The following DPH6 variants were observed in gnomAD, a reference collection of about 807,000 sequenced individuals.
DPH6 encodes the protein diphthamine biosynthesis 6.
A neutral mutation model predicts 38.2 loss-of-function variants in DPH6; 33 were observed. That is an observed-to-expected ratio of 0.86 (90% CI 0.65 to 1.15). The LOEUF (loss-of-function observed/expected upper bound fraction) is 1.15. Among genes scored for constraint, DPH6 ranks in the 50% most tolerant of loss-of-function variants. DPH6 has a pLI of 0.00. For missense variants in DPH6, 325 were observed against 320.0 expected (o/e 1.02, Z -0.12); for synonymous variants, 108 against 103.0 (o/e 1.05, Z -0.30).
At chr15:35,157,629 C>T in the DPH6 span, among the ~76,000 whole-genome samples, 95 of 152,184 alleles carry the variant, frequency 6.2e-4, no homozygotes, top group African/African-American at 2.2e-3. Context: ...GGTGTTGAGG[C>T]TCCCTCTTGC....
intron 3 of DPH6, among the ~76,000 whole-genome samples, chr15:35,295,706 C>T (rs1315293558): frequency 6.6e-6 from 1 of 152,178 alleles, no homozygotes; most frequent in Admixed American, 6.5e-5. Flanking sequence ...TTTCAGGATG[C>T]AAAGTCTGAT....
chr15:35,151,941 T>G, the DPH6 span, among the ~76,000 whole-genome samples: 1 of 152,134 alleles, frequency 6.6e-6, no homozygotes, highest in African/African-American at 2.4e-5. Flanking sequence ...TTGAAGAAAT[T>G]TATTCCTTGA....
intron 3 of DPH6, among the ~76,000 whole-genome samples, chr15:35,256,560 T>C (rs1279844651): frequency 6.6e-6 from 1 of 152,240 alleles, no homozygotes; most frequent in Non-Finnish European, 1.5e-5. Context: ...GGGCAAGTTA[T>C]GTAAATCATC....
At chr15:35,310,693 A>C (rs1294706300) in intron 3 of DPH6, among the ~76,000 whole-genome samples, 1 of 152,084 alleles carries the variant, frequency 6.6e-6, no homozygotes, top group Non-Finnish European at 1.5e-5. Flanking sequence ...AAAAAGAATG[A>C]CTATTACTAA....
At chr15:35,225,424 G>A (rs760971819) in intron 3 of DPH6, among the ~76,000 whole-genome samples, 2 of 152,154 alleles carry the variant, frequency 1.3e-5, no homozygotes, top group African/African-American at 2.4e-5. Flanking sequence ...CTTGATGGTA[G>A]GGGATTATTT....
At chr15:35,344,008 A>G (rs1017168879) in intron 3 of DPH6, among the ~76,000 whole-genome samples, 2 of 152,200 alleles carry the variant, frequency 1.3e-5, no homozygotes, top group African/African-American at 4.8e-5. Context: ...CTGGATAAGC[A>G]TTCATTACCC....
At chr15:35,449,116 ATGTCTTCAGAAGTAC>A (rs2053896957) in intron 5 of DPH6, among the ~76,000 whole-genome samples, 1 of 151,166 alleles carries the variant, frequency 6.6e-6, no homozygotes, top group Non-Finnish European at 1.5e-5. Context: ...ATATGTTTCT[ATGTCTTCAGAAGTAC>A]TGTGCCATTT....
intron 5 of DPH6, among the ~76,000 whole-genome samples, chr15:35,417,646 A>T (rs1036957817): frequency 1.5e-4 from 23 of 152,214 alleles, no homozygotes; most frequent in Non-Finnish European, 2.8e-4. Context: ...CTAATATACC[A>T]ATATATTTGC....
At position 35,314,898 on chromosome 15, in the gene DPH6, A is replaced by C. The variant is rs111637097; in HGVS notation, n.200+58623T>G. 2.2e-3 allele frequency among the ~76,000 whole-genome samples: 340 copies of C among 152,272 alleles called. 5 individuals are homozygous for C. The highest frequency in any genetic ancestry group is 7.7e-3 in the African/African-American group (321 of 41,556). Reference sequence around the variant, plus strand: ...CTGGTGATGATCAGCTCAGTGTCTGAACCGAGAAGTAGCTCCAAAGCCACT... The same window carrying C: ...CTGGTGATGATCAGCTCAGTGTCTGCACCGAGAAGTAGCTCCAAAGCCACT... On this transcript the variant is annotated intron_variant and non_coding_transcript_variant, in intron 3 of 3. Transcript: ENST00000560386.
At chr15:35,230,384 A>G (rs2051509087) in intron 3 of DPH6, among the ~76,000 whole-genome samples, 1 of 152,116 alleles carries the variant, frequency 6.6e-6, no homozygotes, top group Non-Finnish European at 1.5e-5. Context: ...GCTTGTGGTG[A>G]ATGCTGCCTG....
chr15:35,247,932 A>G (rs1179538653), intron 3 of DPH6, among the ~76,000 whole-genome samples: 1 of 152,214 alleles, frequency 6.6e-6, no homozygotes, highest in Non-Finnish European at 1.5e-5. Flanking sequence ...AACCCTGATT[A>G]ACTGTCTAAC....
chr15:35,365,088 A>G (rs188730958), intron 3 of DPH6, among the ~76,000 whole-genome samples: 82 of 152,204 alleles, frequency 5.4e-4, no homozygotes, highest in African/African-American at 1.9e-3. Flanking sequence ...AACACAACTC[A>G]AACACAACTC....
At chr15:35,280,935 GAT>G (rs1000604599) in intron 3 of DPH6, among the ~76,000 whole-genome samples, 7 of 151,974 alleles carry the variant, frequency 4.6e-5, no homozygotes, top group East Asian at 1.9e-4. Flanking sequence ...CTTCAAATAT[GAT>G]ATATATATTT....
chr15:35,262,345 TAC>T (rs1391394442), intron 3 of DPH6, among the ~76,000 whole-genome samples: 16 of 152,352 alleles, frequency 1.1e-4, no homozygotes, highest in African/African-American at 3.6e-4. Flanking sequence ...TGACTCAGAA[TAC>T]ATTTAATTCA....
intron 4 of DPH6, among the ~76,000 whole-genome samples, chr15:35,451,311 A>G (rs2053929923): frequency 6.6e-6 from 1 of 152,218 alleles, no homozygotes; most frequent in African/African-American, 2.4e-5. Context: ...GCACTGTACT[A>G]GATATTTTCC....
At chr15:35,245,332 G>A (rs892733622) in intron 3 of DPH6, among the ~76,000 whole-genome samples, 3 of 146,294 alleles carry the variant, frequency 2.1e-5, no homozygotes, top group South Asian at 2.2e-4. Flanking sequence ...TCCGCCTCCC[G>A]GGTTCACGCC....
At chr15:35,427,149 A>G (rs1240551817) in intron 5 of DPH6, among the ~76,000 whole-genome samples, 1 of 151,896 alleles carries the variant, frequency 6.6e-6, no homozygotes, top group Non-Finnish European at 1.5e-5. Flanking sequence ...GGATGTAAGA[A>G]GCAGAGAAGT....
At chr15:35,438,706 TA>T (rs1239372486) in intron 5 of DPH6, among the ~76,000 whole-genome samples, 1 of 152,134 alleles carries the variant, frequency 6.6e-6, no homozygotes. Flanking sequence ...TAAAGGAAAA[TA>T]AGCACCTAGA....
intron 3 of DPH6, among the ~76,000 whole-genome samples, chr15:35,344,516 G>A (rs1233184917): frequency 6.6e-6 from 1 of 151,690 alleles, no homozygotes; most frequent in Admixed American, 6.6e-5. Flanking sequence ...GACTTAAAAG[G>A]ATGTTACAAA....
Sources: allele counts gnomAD v4.1 joint callset (sites outside exome capture counted in the v4.1 genomes callset), GRCh38; gene constraint gnomAD v4.1.1; transcripts MANE v1.5; gene names NCBI Gene and HGNC (gene_info 2026-07-23, HGNC 2026-07-21).